Variants in JPH1 observed in about 807,000 individuals in gnomAD.
JPH1 encodes junctophilin 1, also known as junctophilin-1.
A neutral mutation model predicts 53.6 loss-of-function variants in JPH1; 12 were observed. The ratio of observed to expected loss-of-function variants is 0.22; its 90% CI spans 0.14 to 0.36. The LOEUF is 0.36. Among genes scored for constraint, JPH1 ranks in the 10% least tolerant of loss-of-function variants. The pLI, the probability that JPH1 is intolerant of heterozygous loss-of-function variation, is 1.00. For synonymous variants in JPH1, 375 were observed against 363.8 expected, an observed-to-expected ratio of 1.03 and a Z score of -0.35; for missense variants, 808 against 905.5, an observed-to-expected ratio of 0.89 and a Z score of 1.38.
chr8:74,266,820 G>T (rs993374999), intron 2 of JPH1, among the ~76,000 whole-genome samples: 2 of 152,190 alleles, frequency 1.3e-5, no homozygotes, highest in Admixed American at 6.5e-5. Context: ...GTAGCTGCAT[G>T]CAACCCAGCC....
At chr8:74,306,746 G>A (rs1385469967) in intron 2 of JPH1, among the ~76,000 whole-genome samples, 2 of 151,862 alleles carry the variant, frequency 1.3e-5, no homozygotes, top group Admixed American at 6.6e-5. Context: ...ACAGGTGCCC[G>A]CCACGATGCC....
intron 3 of JPH1, among the ~76,000 whole-genome samples, chr8:74,255,436 A>C (rs1451703378): frequency 6.6e-6 from 1 of 152,152 alleles, no homozygotes; most frequent in Non-Finnish European, 1.5e-5. Context: ...TGAAACCATA[A>C]AAACCCTAGA....
Position 74,244,561 on chromosome 8 carries a change from A to G in JPH1, c.1873T>C (p.Ser625Pro). 1 of 1,612,200 alleles carries G rather than the reference A, an allele frequency of 6.2e-7. No homozygotes were observed. The highest frequency in any genetic ancestry group is 8.5e-7 in the Non-Finnish European group (1 of 1,179,274). ...GCTTCTTTTTCCAAAGCAGGGCATG[A>G]ATCGTTGCTTGCTGGATTCTTTGGT... ...AIPKNPASND[S>P]CPALEKEANS... Residue 625 changes from serine (S) to proline (P), a missense_variant, in exon 4 of 6, where the codon TCA (serine) becomes CCA (proline). Coordinates refer to ENST00000342232, the MANE Select transcript of JPH1 (RefSeq NM_020647.4).
intron 3 of JPH1, among the ~76,000 whole-genome samples, chr8:74,253,001 A>G (rs1485629623): frequency 2.6e-5 from 4 of 152,058 alleles, no homozygotes; most frequent in South Asian, 2.1e-4. Context: ...AAAGTCAACA[A>G]GGATACCCAG....
intron 2 of JPH1, among the ~76,000 whole-genome samples, chr8:74,267,299 CA>C (rs2131401936): frequency 6.6e-6 from 1 of 152,246 alleles, no homozygotes; most frequent in South Asian, 2.1e-4. Flanking sequence ...GGGACTGAGA[CA>C]AAAGTGTCCT....
In JPH1 at chr8:74,321,002, C is replaced by T. The variant is rs1207983654; in HGVS notation, c.286G>A (p.Val96Ile). The change falls in exon 1 of 6, where the codon GTC (valine) becomes ATC (isoleucine). Residue 96 changes from valine to isoleucine, a missense_variant. Coordinates refer to ENST00000342232, the MANE Select transcript of JPH1 (RefSeq NM_020647.4). The surrounding 1 kb of genome is among the most constrained non-coding windows in gnomAD (Gnocchi z 4.3). ...GCGGGGGTGCACAGGCTCTGCCGGACCCCGTAGCGCCCCTTGAAACCATGT... is the reference window on the plus strand; with the variant it reads ...GCGGGGGTGCACAGGCTCTGCCGGATCCCGTAGCGCCCCTTGAAACCATGT... ...WSHGFKGRYG[V>I]RQSLCTPARY... is the part of the protein sequence containing the mutation. 3.7e-6 allele frequency: 6 copies of T among 1,612,818 alleles called. No individual in the cohort carries two copies. The highest frequency in any genetic ancestry group is 3.3e-5 in the Admixed American group (2 of 59,902).
chr8:74,257,603 C>G (rs1391499949), intron 3 of JPH1, among the ~76,000 whole-genome samples: 1 of 152,200 alleles, frequency 6.6e-6, no homozygotes, highest in Non-Finnish European at 1.5e-5. Context: ...CTTTTCCCAG[C>G]TCTCACGCCC....
intron 2 of JPH1, among the ~76,000 whole-genome samples, chr8:74,300,986 T>C (rs1218680418): frequency 1.3e-5 from 2 of 152,204 alleles, no homozygotes; most frequent in Non-Finnish European, 2.9e-5. Flanking sequence ...CACTACATTT[T>C]CTAATTGAAT....
In JPH1 at chr8:74,315,452, G is replaced by C. The variant is rs772254999; in HGVS notation, c.548C>G (p.Ala183Gly). 1.2e-6 allele frequency: 2 copies of C among 1,608,492 alleles called. No homozygotes were observed. The highest frequency in any genetic ancestry group is 1.7e-6 in the Non-Finnish European group (2 of 1,178,060). The change falls in exon 2 of 6, where the codon GCC (alanine) becomes GGC (glycine). Residue 183 changes from alanine (A) to glycine (G), a missense_variant. Transcript: ENST00000342232. This position sits in a 1 kb window ranked among gnomAD's most constrained non-coding sequence, Gnocchi z 6.3. The part of the protein sequence containing the change: ...GSVLHDAAAA[A>G]DSPAGTRGGF... ...GCCGCGGGTGCCGGCCGGGCTGTCG[G>C]CGGCGGCTGCGGCGTCGTGGAGCAC...
At chr8:74,303,510 T>C (rs1346877291) in intron 2 of JPH1, among the ~76,000 whole-genome samples, 4 of 152,160 alleles carry the variant, frequency 2.6e-5, no homozygotes, top group African/African-American at 9.7e-5. Context: ...ATTCAATCAT[T>C]TGCTTCTTTC....
At chr8:74,263,903 G>A (rs1276987966) in intron 2 of JPH1, among the ~76,000 whole-genome samples, 1 of 152,076 alleles carries the variant, frequency 6.6e-6, no homozygotes. Flanking sequence ...TGTGTAGACA[G>A]TTGCAGCCCG....
intron 2 of JPH1, among the ~76,000 whole-genome samples, chr8:74,284,178 T>G (rs1464015263): frequency 2.0e-5 from 3 of 152,234 alleles, no homozygotes; most frequent in Admixed American, 6.5e-5. Flanking sequence ...AAAATAAGTA[T>G]GCTTACATGC....
At chr8:74,259,844 G>C (rs984638990) in intron 2 of JPH1, among the ~76,000 whole-genome samples, 1 of 152,206 alleles carries the variant, frequency 6.6e-6, no homozygotes, top group East Asian at 1.9e-4. Context: ...ATTATGGAAA[G>C]TAGAATTAGA....
Position 74,251,719 on chromosome 8 carries a change from A to G in JPH1, c.1259-6544T>C, listed in dbSNP as rs185091467. On this transcript the variant is annotated intron_variant, in intron 3 of 5. Coordinates refer to ENST00000342232, the MANE Select transcript of JPH1 (RefSeq NM_020647.4). ...AATCAAGAGGCTATGTTTTTTCTTT[A>G]GTTTCTAACTGAATTGTAGAATAAT... Among the ~76,000 whole-genome samples, 391 of 151,852 alleles carry G rather than the reference A, an allele frequency of 2.6e-3. 3 individuals carry two copies. Among genetic ancestry groups the G allele is most frequent in the Admixed American group, 5.8e-3 (88 of 15,248 alleles).
At position 74,296,006 on chromosome 8, in the gene JPH1, C is replaced by G. The variant is rs1460757224; in HGVS notation, c.1139+18855G>C. Among the ~76,000 whole-genome samples, 3 of 58,480 alleles carry G rather than the reference C, an allele frequency of 5.1e-5. No individual in the cohort carries two copies. The South Asian group carries it at 1.9e-3, about 37-fold the overall frequency. The allele number at this position is 58,480 out of a possible 152,430, so 38.4% of individuals were successfully genotyped here. A position where few individuals can be genotyped will look rare whatever the true frequency, so the allele number is the denominator to read the frequency against. ...CGAAAGGGAACAACCTGGTATGTAG[C>G]AATCTCAGTAAGGACACACACACAC... On this transcript the variant is annotated intron_variant, in intron 2 of 5. Coordinates refer to ENST00000342232, the MANE Select transcript of JPH1 (RefSeq NM_020647.4).
At chr8:74,272,129 G>A (rs780363917) in intron 2 of JPH1, among the ~76,000 whole-genome samples, 2 of 152,102 alleles carry the variant, frequency 1.3e-5, no homozygotes, top group Non-Finnish European at 2.9e-5. Context: ...TTGAATGTGT[G>A]TTCCCTAAAA....
intron 2 of JPH1, among the ~76,000 whole-genome samples, chr8:74,294,378 G>C (rs1236778665): frequency 7.1e-6 from 1 of 141,260 alleles, no homozygotes; most frequent in South Asian, 2.2e-4. Context: ...GTAGACCAGA[G>C]ACAAGCCAAG....
At chr8:74,295,452 T>C (rs1454449779) in intron 2 of JPH1, among the ~76,000 whole-genome samples, 1 of 152,162 alleles carries the variant, frequency 6.6e-6, no homozygotes, top group East Asian at 1.9e-4. Context: ...GGCATGAAAA[T>C]ATTTAACAAT....
chr8:74,263,424 C>T (rs9298236), intron 2 of JPH1, among the ~76,000 whole-genome samples: 10,694 of 152,120 alleles, frequency 0.07, 957 homozygotes, highest in African/African-American at 0.2. Flanking sequence ...TTTGCTTTGA[C>T]GTACAAGTAT....
Sources: gnomAD v4.1 joint callset for allele counts (sites outside exome capture counted in the v4.1 genomes callset) on GRCh38, gnomAD v4.1.1 for gene constraint, Gnocchi (gnomAD v3.1) non-coding constraint, MANE v1.5 for transcripts, NCBI Gene and HGNC (gene_info 2026-07-23, HGNC 2026-07-21) for gene names.